Variants in PACRG observed in about 807,000 individuals in gnomAD.
The protein encoded by PACRG is parkin coregulated.
A neutral mutation model predicts 29.7 loss-of-function variants in PACRG; 29 were observed. That is an observed-to-expected ratio of 0.98 (90% CI 0.73 to 1.33). The LOEUF is 1.33. PACRG is among the 40% of genes most tolerant of loss of function. PACRG has a pLI of 0.00. For synonymous variants in PACRG, 116 were observed against 118.7 expected (o/e 0.98, Z 0.15); for missense variants, 279 against 316.2 (o/e 0.88, Z 0.89).
chr6:163,272,500 A>G (rs1783869602), intron 4 of PACRG, among the ~76,000 whole-genome samples: 1 of 152,144 alleles, frequency 6.6e-6, no homozygotes, highest in Non-Finnish European at 1.5e-5. Flanking sequence ...TTTTTCTTGT[A>G]ATAGCATTGA....
chr6:162,847,779 A>T (rs2128420713), intron 2 of PACRG, among the ~76,000 whole-genome samples: 1 of 152,120 alleles, frequency 6.6e-6, no homozygotes, highest in South Asian at 2.1e-4. Context: ...CTGAACAAGG[A>T]GCTACTAGGG....
intron 2 of PACRG, among the ~76,000 whole-genome samples, chr6:162,852,318 A>G (rs9295201): frequency 0.94 from 143,844 of 152,282 alleles, 68,015 homozygotes; most frequent in East Asian, 1. Flanking sequence ...AATTCTGGGC[A>G]TCTTTCTCAG....
At chr6:162,839,329 T>G (rs1256165022) in intron 2 of PACRG, among the ~76,000 whole-genome samples, 2 of 119,154 alleles carry the variant, frequency 1.7e-5, no homozygotes, top group East Asian at 2.5e-4. Flanking sequence ...TGATTTGCAT[T>G]TCTCTGATGG....
chr6:162,820,799 A>T (rs546336267), intron 2 of PACRG, among the ~76,000 whole-genome samples: 55 of 152,296 alleles, frequency 3.6e-4, no homozygotes, highest in Admixed American at 1.7e-3. Context: ...ATTTCTTTTG[A>T]TAACTGCCAA....
rs764477138 is a variant in PACRG at position 163,089,257 on chromosome 6, A to G, written c.464-2A>G. ...CTGCTTGGTCCTTCTTTTACCATAT[A>G]GATGCCTTGAACCTCCGAAACCGAC... On this transcript the variant is annotated splice_acceptor_variant, in intron 3 of 4. Coordinates refer to ENST00000366888, the MANE Select transcript of PACRG (RefSeq NM_001080379.2). LOFTEE classifies it high-confidence loss of function. The G allele has an allele frequency of 1.5e-5, 24 of 1,613,192 alleles. No individual in the cohort carries two copies. In the East Asian group the frequency reaches 5.1e-4, roughly 34 times the overall value.
intron 2 of PACRG, among the ~76,000 whole-genome samples, chr6:162,881,602 A>T (rs759756601): frequency 3.9e-5 from 6 of 151,974 alleles, no homozygotes; most frequent in Non-Finnish European, 7.4e-5. Flanking sequence ...CTCTCCACCA[A>T]GACCAGAGAC....
chr6:163,037,019 C>T (rs1808264146), intron 2 of PACRG, among the ~76,000 whole-genome samples: 1 of 152,168 alleles, frequency 6.6e-6, no homozygotes, highest in Admixed American at 6.5e-5. Flanking sequence ...GAATTGTAAA[C>T]AAGTGTGTGT....
intron 4 of PACRG, among the ~76,000 whole-genome samples, chr6:163,185,645 C>T (rs1032822767): frequency 6.6e-6 from 1 of 152,168 alleles, no homozygotes. Context: ...TGGAGGAAAT[C>T]GCGGCATCAT....
intron 4 of PACRG, among the ~76,000 whole-genome samples, chr6:163,197,169 T>C (rs1240350429): frequency 1.3e-5 from 2 of 152,156 alleles, no homozygotes; most frequent in Non-Finnish European, 2.9e-5. Flanking sequence ...AATGTGTCAA[T>C]ACCTGATTTT....
chr6:163,091,232 T>C (rs578109977), intron 4 of PACRG, among the ~76,000 whole-genome samples: 1 of 152,318 alleles, frequency 6.6e-6, no homozygotes, highest in Non-Finnish European at 1.5e-5. Context: ...TAAAGATGGA[T>C]AAATATTGCT....
intron 2 of PACRG, among the ~76,000 whole-genome samples, chr6:162,857,956 C>A (rs919940483): frequency 2.0e-5 from 3 of 152,088 alleles, no homozygotes; most frequent in African/African-American, 7.2e-5. Context: ...TGTGTATATT[C>A]TTGTTGTTAC....
intron 2 of PACRG, among the ~76,000 whole-genome samples, chr6:162,887,245 G>A (rs568285762): frequency 6.6e-6 from 1 of 152,124 alleles, no homozygotes; most frequent in East Asian, 1.9e-4. Context: ...GAGCCACTGC[G>A]CATGGCCCCC....
At position 162,861,481 on chromosome 6, in the gene PACRG, T is replaced by G. The variant is rs542137241; in HGVS notation, c.291+47200T>G. Among the ~76,000 whole-genome samples, 6 of 152,254 alleles carry G rather than the reference T, an allele frequency of 3.9e-5. No homozygotes were observed. The South Asian group carries it at 1.0e-3, about 26-fold the overall frequency. ...TAATGTCTTGTATATTCCTCAAATT[T>G]TTATTATTTCCTTTAACTTCCAAAA... On this transcript the variant is annotated intron_variant, in intron 2 of 4. Transcript: ENST00000366888.
intron 3 of PACRG, among the ~76,000 whole-genome samples, chr6:163,080,573 A>G (rs1373438134): frequency 6.6e-6 from 1 of 152,256 alleles, no homozygotes; most frequent in Non-Finnish European, 1.5e-5. Flanking sequence ...GGACTGCATC[A>G]TGGAGACCAT....
chr6:162,996,639 A>C (rs1804085123), intron 2 of PACRG, among the ~76,000 whole-genome samples: 1 of 152,186 alleles, frequency 6.6e-6, no homozygotes. Context: ...CTCATGCCAA[A>C]TTTTAAAAAT....
chr6:163,143,027 G>A (rs967932153), intron 4 of PACRG, among the ~76,000 whole-genome samples: 1 of 152,146 alleles, frequency 6.6e-6, no homozygotes, highest in Non-Finnish European at 1.5e-5. Context: ...CGGTGGAAAC[G>A]CTGGCGAAAT....
intron 2 of PACRG, among the ~76,000 whole-genome samples, chr6:162,879,392 CA>C (rs1197376799): frequency 1.3e-5 from 2 of 152,162 alleles, no homozygotes; most frequent in African/African-American, 2.4e-5. Context: ...CAAAAAGTAA[CA>C]TTGCCACCAT....
chr6:163,242,107 T>A (rs942367498), intron 4 of PACRG, among the ~76,000 whole-genome samples: 4 of 152,236 alleles, frequency 2.6e-5, no homozygotes, highest in Non-Finnish European at 5.9e-5. Flanking sequence ...AATTTGTTAC[T>A]GTTTTCATCC....
chr6:162,889,066 A>C (rs1386471260), intron 2 of PACRG, among the ~76,000 whole-genome samples: 1 of 152,220 alleles, frequency 6.6e-6, no homozygotes, highest in African/African-American at 2.4e-5. Context: ...TATTTTAGCA[A>C]CACAATCCTG....
Sources: gnomAD v4.1 joint callset for allele counts (sites outside exome capture counted in the v4.1 genomes callset) on GRCh38, gnomAD v4.1.1 for gene constraint, MANE v1.5 for transcripts, NCBI Gene and HGNC (gene_info 2026-07-23, HGNC 2026-07-21) for gene names.